NELL2: variants seen among roughly 807,000 people sequenced by gnomAD.
NELL2 encodes the protein neural EGFL like 2.
A neutral mutation model predicts 109.6 loss-of-function variants in NELL2; 41 were observed. The observed-to-expected ratio is 0.37, with a 90% CI of 0.29 to 0.49. The LOEUF (loss-of-function observed/expected upper bound fraction) is 0.49, where lower values mean the gene tolerates loss of function less well. Among genes scored for constraint, NELL2 ranks in the 20% least tolerant of loss-of-function variants. NELL2 has a pLI of 0.98. For missense variants in NELL2, 900 were observed against 1,008.3 expected, an observed-to-expected ratio of 0.89 and a Z score of 1.45; for synonymous variants, 355 against 344.7, an observed-to-expected ratio of 1.03 and a Z score of -0.33.
At chr12:44,658,877 C>CAAAAA (rs58696965) in intron 13 of NELL2, among the ~76,000 whole-genome samples, 308 of 66,288 alleles carry the variant, frequency 4.6e-3, no homozygotes, top group Middle Eastern at 9.8e-3. Flanking sequence ...ACTCTGTCTC[C>CAAAAA]AAAAAAAAAA....
intron 2 of NELL2, among the ~76,000 whole-genome samples, chr12:44,827,909 A>G (rs571270856): frequency 6.6e-6 from 1 of 152,304 alleles, no homozygotes; most frequent in East Asian, 1.9e-4. Flanking sequence ...TAGTGGATGT[A>G]CTAATTTGCA....
intron 12 of NELL2, among the ~76,000 whole-genome samples, chr12:44,698,689 C>T (rs923224705): frequency 6.6e-6 from 1 of 152,130 alleles, no homozygotes; most frequent in African/African-American, 2.4e-5. Context: ...TTCCCATATT[C>T]TTGTTAATTT....
chr12:44,810,153 T>C (rs768610621), intron 3 of NELL2, among the ~76,000 whole-genome samples: 37 of 152,136 alleles, frequency 2.4e-4, no homozygotes, highest in Non-Finnish European at 5.1e-4. Flanking sequence ...CATAATAACC[T>C]TTCTCTTCAT....
chr12:44,795,279 A>G (rs187378707), intron 3 of NELL2, among the ~76,000 whole-genome samples: 11 of 152,148 alleles, frequency 7.2e-5, no homozygotes, highest in Non-Finnish European at 7.4e-5. Context: ...ATGTACTTCT[A>G]GTGCCAAATA....
rs1049220779 is a variant in NELL2 at position 44,825,903 on chromosome 12, G to A, written c.185-9767C>T. ...ACCAAAAATACAAAATTAGCCCAGC[G>A]TGGTGGTGCCTGCCTGTAATCCCAG... On this transcript the variant is annotated intron_variant, in intron 2 of 19. Transcript: ENST00000429094. Among the ~76,000 whole-genome samples the A allele has an allele frequency of 3.3e-5, 5 of 151,716 alleles. No homozygotes were observed. The East Asian group carries it at 5.9e-4, about 18-fold the overall frequency.
At position 44,888,485 on chromosome 12, in the gene NELL2, G is replaced by A. The variant is rs949900845; in HGVS notation, c.39-12585C>T. On this transcript the variant is annotated intron_variant, in intron 1 of 20. Transcript: ENST00000333837. ...AAATAAAATCGGAAATGAAAAAGGG[G>A]ACATAACAAATTAGACAACAGAAAT... Among the ~76,000 whole-genome samples, 18 of 151,064 alleles carry A rather than the reference G, an allele frequency of 1.2e-4. 1 individual carries two copies. The highest frequency in any genetic ancestry group is 3.7e-4 in the African/African-American group (15 of 40,862).
intron 2 of NELL2, among the ~76,000 whole-genome samples, chr12:44,842,392 G>GA (rs1436104589): frequency 3.3e-5 from 5 of 151,922 alleles, no homozygotes; most frequent in Non-Finnish European, 5.9e-5. Flanking sequence ...TATACATATA[G>GA]AAAAAAATCA....
At chr12:44,632,974 A>G (rs938570352) in intron 13 of NELL2, among the ~76,000 whole-genome samples, 2 of 152,096 alleles carry the variant, frequency 1.3e-5, no homozygotes, top group African/African-American at 4.8e-5. Flanking sequence ...AAAATCATGT[A>G]TGGAAAAAAA....
rs148957045 is a variant in NELL2, at chr12:44,590,529, G to A, written c.1663+16640C>T. 4.7e-3 allele frequency among the ~76,000 whole-genome samples: 721 copies of A among 152,136 alleles called. 5 individuals carry two copies. Among genetic ancestry groups the A allele is most frequent in the African/African-American group, 0.016 (676 of 41,512 alleles). ...TTATGAATTTTATAATAGTTATTTC[G>A]TTTATCTAGATGTAACTGAAATTGT... On this transcript the variant is annotated intron_variant, in intron 15 of 19. Coordinates refer to ENST00000429094, the MANE Select transcript of NELL2 (RefSeq NM_001145108.2).
At chr12:44,569,965 A>G (rs565153070) in intron 15 of NELL2, among the ~76,000 whole-genome samples, 1 of 152,298 alleles carries the variant, frequency 6.6e-6, no homozygotes, top group African/African-American at 2.4e-5. Flanking sequence ...GTTCTTCTCT[A>G]TAAATTTCCT....
intron 16 of NELL2, among the ~76,000 whole-genome samples, chr12:44,532,347 T>A (rs1411360769): frequency 1.3e-5 from 2 of 152,170 alleles, no homozygotes; most frequent in African/African-American, 4.8e-5. Flanking sequence ...CATTTAACAG[T>A]TGCAAGAATC....
At chr12:44,617,226 A>T (rs1361732206) in intron 13 of NELL2, among the ~76,000 whole-genome samples, 1 of 152,196 alleles carries the variant, frequency 6.6e-6, no homozygotes, top group Non-Finnish European at 1.5e-5. Context: ...AAAAAATGAG[A>T]GAATTATGTA....
intron 1 of NELL2, among the ~76,000 whole-genome samples, chr12:44,903,674 G>A (rs892354533): frequency 1.3e-5 from 2 of 152,124 alleles, no homozygotes; most frequent in Admixed American, 1.3e-4. Context: ...TAAGGAAAAC[G>A]TGGCACATAT....
At chr12:44,530,411 G>A (rs1055792413) in intron 16 of NELL2, among the ~76,000 whole-genome samples, 5 of 152,162 alleles carry the variant, frequency 3.3e-5, no homozygotes, top group Admixed American at 3.3e-4. Flanking sequence ...GGAAGGGAAC[G>A]TAACTAAAGA....
chr12:44,659,071 G>T (rs1053679254), intron 13 of NELL2, among the ~76,000 whole-genome samples: 3 of 151,960 alleles, frequency 2.0e-5, no homozygotes, highest in African/African-American at 7.3e-5. Context: ...GCTGATCTTT[G>T]ACAGACCTGA....
At chr12:44,833,962 A>G (rs927666129) in intron 2 of NELL2, among the ~76,000 whole-genome samples, 4 of 152,178 alleles carry the variant, frequency 2.6e-5, no homozygotes, top group Non-Finnish European at 5.9e-5. Flanking sequence ...TCCAATCTGA[A>G]TGCTAGTCTA....
intron 2 of NELL2, among the ~76,000 whole-genome samples, chr12:44,832,597 T>C (rs1566493266): frequency 6.6e-6 from 1 of 152,238 alleles, no homozygotes; most frequent in Non-Finnish European, 1.5e-5. Context: ...ACAAAGAGCA[T>C]ATTGTCTGCC....
intron 15 of NELL2, among the ~76,000 whole-genome samples, chr12:44,573,511 C>T (rs919115618): frequency 6.6e-6 from 1 of 151,898 alleles, no homozygotes; most frequent in African/African-American, 2.4e-5. Flanking sequence ...TGAAAAGCAA[C>T]AAAAAACCCA....
At chr12:44,753,093 A>C (rs79726427) in intron 9 of NELL2, among the ~76,000 whole-genome samples, 1,967 of 152,160 alleles carry the variant, frequency 0.013, 21 homozygotes, top group Non-Finnish European at 0.018. Context: ...TCTTGAACTT[A>C]CTGTCCTCCA....
Sources: gnomAD v4.1 joint callset for allele counts (sites outside exome capture counted in the v4.1 genomes callset) on GRCh38, gnomAD v4.1.1 for gene constraint, MANE v1.5 for transcripts, NCBI Gene and HGNC (gene_info 2026-07-23, HGNC 2026-07-21) for gene names.